TASOR: variants seen among roughly 807,000 people sequenced by gnomAD.
The protein encoded by TASOR is protein TASOR.
A neutral mutation model predicts 178.6 loss-of-function variants in TASOR; 53 were observed. The observed-to-expected ratio is 0.30, with a 90% CI of 0.24 to 0.37. The LOEUF is 0.37. TASOR is among the 10% of genes least tolerant of loss of function. TASOR has a pLI of 1.00. For missense variants in TASOR, 1,815 were observed against 1,971.4 expected (o/e 0.92, Z 1.50); for synonymous variants, 713 against 696.2 (o/e 1.02, Z -0.38).
chr3:56,664,055 A>C, intron 7 of TASOR: 2 of 169,720 alleles, frequency 1.2e-5, no homozygotes, highest in Non-Finnish European at 1.2e-5. Flanking sequence ...ATAACAGATC[A>C]TGATGGTTTT....
rs377367585 is a variant in TASOR, at chr3:56,641,463, A to G, written c.2505T>C (p.Asn835=). 66 of 1,613,336 alleles carry G rather than the reference A, an allele frequency of 4.1e-5. No homozygotes were observed. The highest frequency in any genetic ancestry group is 4.9e-5 in the Non-Finnish European group (58 of 1,179,404). The change falls in exon 15 of 24, where the codon AAT becomes AAC. Residue 835 remains asparagine, a synonymous_variant. Coordinates refer to ENST00000683822, the MANE Select transcript of TASOR (RefSeq NM_001365635.2). ...AGCTCTGAGTACCCTTAAACTGTGC[A>G]TTTTCAACTTTTGCACAAGTAGGCT... ...YEQPTCAKVE[N]AQFKGTQSLL...
chr3:56,623,102 T>TATC lies in TASOR; in HGVS notation c.4945_4947dup (p.Asp1649dup). 6.2e-7 allele frequency: 1 copy of TATC among 1,611,718 alleles called. No individual in the cohort carries two copies. Among genetic ancestry groups the TATC allele is most frequent in the Non-Finnish European group, 8.5e-7 (1 of 1,179,016 alleles). ...CCCCAACTTAAGGGAGGTGGAGATT[T>TATC]ATCTCTATCCAAGCTTTCAGTATAA... On this transcript the variant is annotated inframe_insertion, in exon 24 of 24. Transcript: ENST00000683822.
At position 56,633,052 on chromosome 3, in the gene TASOR, C is replaced by G. The variant is rs940754869; in HGVS notation, c.3739G>C (p.Glu1247Gln). 5 of 1,574,320 alleles carry G rather than the reference C, an allele frequency of 3.2e-6. No individual in the cohort carries two copies. Among genetic ancestry groups the G allele is most frequent in the African/African-American group, 1.4e-5 (1 of 73,080 alleles). The change falls in exon 18 of 24, where the codon GAA becomes CAA. Residue 1247 changes from glutamate to glutamine, a missense_variant. Coordinates refer to ENST00000683822, the MANE Select transcript of TASOR (RefSeq NM_001365635.2). ...HEEEESVLCKEIKEYLIKLGN... is the reference protein window; with the variant it reads ...HEEEESVLCKQIKEYLIKLGN... ...CCTTCTGGTTTAGTTACCTTTATTT[C>G]TTTACAGAGCACACTCTCTTCTTCT...
intron 1 of TASOR, among the ~76,000 whole-genome samples, chr3:56,680,939 C>G (rs973920900): frequency 6.6e-6 from 1 of 152,002 alleles, no homozygotes; most frequent in Non-Finnish European, 1.5e-5. Context: ...GTGTGTTCAG[C>G]TGAAGTCTAT....
chr3:56,637,379 G>A (rs894251581), intron 17 of TASOR, among the ~76,000 whole-genome samples: 4 of 152,056 alleles, frequency 2.6e-5, no homozygotes, highest in African/African-American at 7.2e-5. Context: ...AAAATCAGCC[G>A]GGTGCGGTGG....
chr3:56,672,254 T>C (rs891635571), intron 2 of TASOR, among the ~76,000 whole-genome samples: 2 of 152,184 alleles, frequency 1.3e-5, no homozygotes, highest in African/African-American at 4.8e-5. Flanking sequence ...AAATATAAAA[T>C]AGCTAACATT....
chr3:56,673,761 A>G (rs1226680829), intron 1 of TASOR, 36 bp from the exon 2 acceptor site: 1 of 1,487,598 alleles, frequency 6.7e-7, no homozygotes, highest in Non-Finnish European at 9.0e-7. Flanking sequence ...AATGTTTAAC[A>G]TTACTCCATC....
intron 6 of TASOR, among the ~76,000 whole-genome samples, chr3:56,667,776 A>T (rs1242181897): frequency 2.0e-5 from 3 of 152,244 alleles, no homozygotes; most frequent in Admixed American, 6.5e-5. Flanking sequence ...ATCTCTATTT[A>T]AAAAGACAAA....
rs772331474 is a variant in TASOR at position 56,638,788 on chromosome 3, C to T, written c.2765-23G>A. ...CTCCTGAGGGAAAGCATCCATTAGA[C>T]TCTCTTCAGACATTAGTGATACCTA... On this transcript the variant is annotated intron_variant, in intron 16 of 23. Coordinates refer to ENST00000683822, the MANE Select transcript of TASOR (RefSeq NM_001365635.2). The T allele has an allele frequency of 1.9e-6, 3 of 1,613,036 alleles. No individual in the cohort carries two copies. In the East Asian group the frequency reaches 6.7e-5, roughly 36 times the overall value.
At position 56,620,821 on chromosome 3, in the gene TASOR, G is replaced by C. The variant is rs1393086988; in HGVS notation, c.*2216C>G. 1 of 152,220 alleles carries C rather than the reference G, an allele frequency of 6.6e-6. No individual in the cohort carries two copies. Among genetic ancestry groups the C allele is most frequent in the African/African-American group, 2.4e-5 (1 of 41,430 alleles). The allele number at this position is 152,220 out of a possible 1,614,324, so 9.4% of individuals were successfully genotyped here. A position where few individuals can be genotyped will look rare whatever the true frequency, so the allele number is the denominator to read the frequency against. On this transcript the variant is annotated 3_prime_UTR_variant, in exon 24 of 24. Coordinates refer to ENST00000683822, the MANE Select transcript of TASOR (RefSeq NM_001365635.2). ...AGTGTTATTTCAGCAGGACCCTTCT[G>C]TTAGCATCTAAGGTAAGGTTAGGAC...
In TASOR at chr3:56,658,946, C is replaced by CTGTGTG. The variant is rs58622702; in HGVS notation, c.1368+1779_1368+1784dup. ...AGAGAGACAGAGAGTGAGAGAGAGACTGTGTGTGTGTGTGTGTGTGTGTGT... is the reference window on the plus strand; with the variant it reads ...AGAGAGACAGAGAGTGAGAGAGAGACTGTGTGTGTGTGTGTGTGTGTGTGTGTGTGT... On this transcript the variant is annotated intron_variant, in intron 11 of 23. Coordinates refer to ENST00000683822, the MANE Select transcript of TASOR (RefSeq NM_001365635.2). Among the ~76,000 whole-genome samples the CTGTGTG allele has an allele frequency of 2.8e-3, 418 of 147,546 alleles. 4 individuals are homozygous for CTGTGTG. The highest frequency in any genetic ancestry group is 3.4e-3 in the Non-Finnish European group (227 of 66,542).
chr3:56,629,833 CAA>C (rs2076873225), intron 18 of TASOR, among the ~76,000 whole-genome samples: 1 of 152,202 alleles, frequency 6.6e-6, no homozygotes, highest in Non-Finnish European at 1.5e-5. Context: ...AGTGTTACCC[CAA>C]AGAGGATGCT....
intron 9 of TASOR, among the ~76,000 whole-genome samples, chr3:56,662,079 G>A (rs2077609053): frequency 6.6e-6 from 1 of 150,462 alleles, no homozygotes; most frequent in South Asian, 2.1e-4. Flanking sequence ...GCAGCGAGCC[G>A]AGATTGCACC....
intron 18 of TASOR, 103 bp downstream of exon 18, chr3:56,632,941 A>G: frequency 9.9e-7 from 1 of 1,005,870 alleles, no homozygotes; most frequent in Non-Finnish European, 1.4e-6. Flanking sequence ...CTGGCCTAAC[A>G]TTTAAACACA....
At chr3:56,624,799 A>G in intron 22 of TASOR, 29 bp downstream of exon 22, 5 of 1,605,094 alleles carry the variant, frequency 3.1e-6, no homozygotes, top group Non-Finnish European at 4.3e-6. Context: ...CTATATTCAT[A>G]GTAGAAAGCT....
intron 3 of TASOR, 44 bp downstream of exon 3, chr3:56,671,556 T>C (rs752976061): frequency 1.0e-4 from 144 of 1,380,632 alleles, no homozygotes; most frequent in Non-Finnish European, 1.4e-4. Flanking sequence ...TAACTTACAA[T>C]GGAAACATCC....
At chr3:56,640,654 C>A (rs191001254) in intron 15 of TASOR, among the ~76,000 whole-genome samples, 1 of 152,122 alleles carries the variant, frequency 6.6e-6, no homozygotes. Context: ...AGAATGGGGA[C>A]ATGCATACAA....
rs374605742 is a variant in TASOR at position 56,641,712 on chromosome 3, G to A, written c.2256C>T (p.Asp752=). Reference sequence around the variant, plus strand: ...AGGTATCCTGCTGCTGCCGCCTCAAGTCAGCATCATGTCCAAGTGAGCCAA... The same window carrying A: ...AGGTATCCTGCTGCTGCCGCCTCAAATCAGCATCATGTCCAAGTGAGCCAA... ...QPIGSLGHDA[D]LRRQQQDTCN... Residue 752 remains aspartate (D), a synonymous_variant, in exon 15 of 24, where the codon GAC becomes GAT. Coordinates refer to ENST00000683822, the MANE Select transcript of TASOR (RefSeq NM_001365635.2). 37 of 1,614,004 alleles carry A rather than the reference G, an allele frequency of 2.3e-5. No individual in the cohort carries two copies. The highest frequency in any genetic ancestry group is 2.8e-5 in the Non-Finnish European group (33 of 1,180,004).
Position 56,647,289 on chromosome 3 carries a change from G to C in TASOR, c.1514-66C>G. ...GCAATCAAGAAACTAATCAAATACAGATCTAAATATTGCCAAAGAAGTATA... is the reference window on the plus strand; with the variant it reads ...GCAATCAAGAAACTAATCAAATACACATCTAAATATTGCCAAAGAAGTATA... On this transcript the variant is annotated intron_variant, in intron 13 of 23. Coordinates refer to ENST00000683822, the MANE Select transcript of TASOR (RefSeq NM_001365635.2). 8 of 1,263,720 alleles carry C rather than the reference G, an allele frequency of 6.3e-6. No individual in the cohort carries two copies. The South Asian group carries it at 8.1e-5, about 13-fold the overall frequency. The allele number at this position is 1,263,720 out of a possible 1,614,324, so 78.3% of individuals were successfully genotyped here.
Sources: gnomAD v4.1 joint callset for allele counts (sites outside exome capture counted in the v4.1 genomes callset) on GRCh38, gnomAD v4.1.1 for gene constraint, MANE v1.5 for transcripts, NCBI Gene and HGNC (gene_info 2026-07-23, HGNC 2026-07-21) for gene names.